ACVR1C: variants seen among roughly 807,000 people sequenced by gnomAD.
ACVR1C encodes activin A receptor type 1C.
In ACVR1C, 23 loss-of-function variants were observed where a neutral mutation model predicts 57.9. That is an observed-to-expected ratio of 0.40 (90% CI 0.29 to 0.56). The LOEUF is 0.56. Among genes scored for constraint, ACVR1C ranks in the 20% least tolerant of loss-of-function variants. ACVR1C has a pLI of 0.50. For synonymous variants in ACVR1C, 214 were observed against 215.3 expected, an observed-to-expected ratio of 0.99 and a Z score of 0.05; for missense variants, 480 against 607.9, an observed-to-expected ratio of 0.79 and a Z score of 2.21.
In ACVR1C at chr2:157,623,647, AC is replaced by A. The variant is rs541606228; in HGVS notation, c.73+4924del. Among the ~76,000 whole-genome samples the A allele has an allele frequency of 1.8e-4, 27 of 152,230 alleles. 1 individual carries two copies. The South Asian group carries it at 4.6e-3, about 26-fold the overall frequency. On this transcript the variant is annotated intron_variant, in intron 1 of 8. Coordinates refer to ENST00000243349, the MANE Select transcript of ACVR1C (RefSeq NM_145259.3). ...GGGGAGGTGGGGATGGTTAATGGGT[AC>A]AAAAATATGGAAAGAATGAATAGGA...
In ACVR1C at chr2:157,534,054, G is replaced by GA. The variant is rs569727616; in HGVS notation, c.1357-12dup. On this transcript the variant is annotated splice_polypyrimidine_tract_variant and intron_variant, in intron 8 of 8. Transcript: ENST00000243349. ...CATGACTCGGAGTGCCTTTAAGAGA[G>GA]AAAAAAAAAATCAAAGACTTTAGCT... 4,474 of 1,355,390 alleles carry GA rather than the reference G, an allele frequency of 3.3e-3. 2 individuals carry two copies. Among genetic ancestry groups the GA allele is most frequent in the South Asian group, 0.013 (783 of 60,900 alleles). 84.0% of individuals were successfully genotyped at this position (1,355,390 alleles called of 1,614,324 possible).
intron 7 of ACVR1C, among the ~76,000 whole-genome samples, chr2:157,539,956 T>C (rs1687582655): frequency 6.6e-6 from 1 of 152,144 alleles, no homozygotes; most frequent in Admixed American, 6.6e-5. Context: ...GTCTGCAAGG[T>C]TTTTTAAAAA....
chr2:157,540,048 G>A (rs1687586073), intron 7 of ACVR1C, among the ~76,000 whole-genome samples: 1 of 152,242 alleles, frequency 6.6e-6, no homozygotes. Flanking sequence ...GTCTTTAATC[G>A]AATGTTTACT....
intron 2 of ACVR1C, among the ~76,000 whole-genome samples, chr2:157,566,509 G>A (rs568423671): frequency 5.3e-5 from 8 of 152,318 alleles, no homozygotes; most frequent in South Asian, 2.1e-4. Flanking sequence ...TGTGCCCACC[G>A]TGCGCGAGCC....
intron 1 of ACVR1C, chr2:157,597,409 G>A: frequency 2.0e-6 from 2 of 985,486 alleles, no homozygotes. Context: ...CAGCGGCCAG[G>A]AGCTTCCGCC....
chr2:157,578,927 G>A (rs1688722798), intron 2 of ACVR1C, among the ~76,000 whole-genome samples: 1 of 152,056 alleles, frequency 6.6e-6, no homozygotes, highest in Non-Finnish European at 1.5e-5. Context: ...TGAATTTAAT[G>A]TTAAATTGAG....
chr2:157,606,882 T>C (rs1025443115), intron 1 of ACVR1C, among the ~76,000 whole-genome samples: 12 of 151,898 alleles, frequency 7.9e-5, no homozygotes, highest in African/African-American at 2.9e-4. Context: ...ATAAAATCTT[T>C]GCCAAGACCA....
chr2:157,607,929 A>G (rs138605349), intron 1 of ACVR1C, among the ~76,000 whole-genome samples: 62 of 151,812 alleles, frequency 4.1e-4, no homozygotes, highest in African/African-American at 1.4e-3. Flanking sequence ...CTCATTTCCA[A>G]TTTGAATGCC....
At chr2:157,534,325 T>C (rs1687429552) in intron 8 of ACVR1C, among the ~76,000 whole-genome samples, 1 of 152,134 alleles carries the variant, frequency 6.6e-6, no homozygotes, top group South Asian at 2.1e-4. Flanking sequence ...TGATGCTAAC[T>C]AAGTTTTGAT....
At chr2:157,608,241 A>G (rs556004616) in intron 1 of ACVR1C, among the ~76,000 whole-genome samples, 1 of 152,108 alleles carries the variant, frequency 6.6e-6, no homozygotes, top group South Asian at 2.1e-4. Context: ...TGTTGAAATA[A>G]TCATATGATC....
chr2:157,578,354 C>T (rs967823470), intron 2 of ACVR1C, among the ~76,000 whole-genome samples: 1 of 152,132 alleles, frequency 6.6e-6, no homozygotes. Flanking sequence ...TTCTTTTACC[C>T]TTCTCCTAGA....
At chr2:157,619,118 G>GAGTAT (rs1370521822) in intron 1 of ACVR1C, among the ~76,000 whole-genome samples, 4 of 151,772 alleles carry the variant, frequency 2.6e-5, no homozygotes, top group African/African-American at 9.6e-5. Flanking sequence ...AGTACATATG[G>GAGTAT]AGTATTCACG....
chr2:157,543,021 G>A (rs928534492), intron 5 of ACVR1C, among the ~76,000 whole-genome samples, 159 bp from the exon 6 acceptor site: 1 of 152,084 alleles, frequency 6.6e-6, no homozygotes, highest in African/African-American at 2.4e-5. Flanking sequence ...TGTACATGCT[G>A]AATCATCTGT....
intron 2 of ACVR1C, among the ~76,000 whole-genome samples, chr2:157,564,603 G>A (rs1688316116): frequency 6.6e-6 from 1 of 152,130 alleles, no homozygotes; most frequent in Non-Finnish European, 1.5e-5. Context: ...TCCCATTACT[G>A]GGTATATACC....
In ACVR1C at chr2:157,625,039, A is replaced by T. The variant is rs1373515099; in HGVS notation, c.73+3533T>A. On this transcript the variant is annotated intron_variant, in intron 1 of 8. Coordinates refer to ENST00000243349, the MANE Select transcript of ACVR1C (RefSeq NM_145259.3). ...CTATTTAATGCGTCTTTGAAAAGTT[A>T]TCAGTAAATGCCCTTGGCTCTCAAT... 2.6e-5 allele frequency among the ~76,000 whole-genome samples: 4 copies of T among 152,234 alleles called. No individual in the cohort carries two copies. The East Asian group carries it at 5.8e-4, about 22-fold the overall frequency.
At chr2:157,603,853 T>C (rs1682332447) in intron 1 of ACVR1C, among the ~76,000 whole-genome samples, 1 of 152,086 alleles carries the variant, frequency 6.6e-6, no homozygotes, top group African/African-American at 2.4e-5. Flanking sequence ...ATGGGTAAAT[T>C]TTAATTATTT....
intron 8 of ACVR1C, 52 bp downstream of exon 8, chr2:157,538,521 T>C (rs1348153519): frequency 3.4e-6 from 5 of 1,450,994 alleles, no homozygotes; most frequent in Admixed American, 4.9e-5. Context: ...GTCTCCCCGA[T>C]ACTCACCTCA....
rs1306305228 is a variant in ACVR1C, at chr2:157,542,722, T to C, written c.1084A>G (p.Lys362Glu). Residue 362 changes from lysine (K) to glutamate (E), a missense_variant, in exon 6 of 9, where the codon AAA (lysine) becomes GAA (glutamate). Lys to Glu is a moderately conservative substitution (Grantham distance 56). Coordinates refer to ENST00000243349, the MANE Select transcript of ACVR1C (RefSeq NM_145259.3). Reference protein sequence around the residue: ...LNTIDIPQNPKVGTKRYMAPE... With the variant: ...LNTIDIPQNPEVGTKRYMAPE... ...TCGTCTTACCTCTTGGTTCCCACTT[T>C]AGGATTCTGAGGTATGTCGATAGTG... The C allele has an allele frequency of 1.2e-6, 2 of 1,613,090 alleles. No individual in the cohort carries two copies. Among genetic ancestry groups the C allele is most frequent in the East Asian group, 2.2e-5 (1 of 44,782 alleles).
At chr2:157,554,286 AG>A (rs1688028532) in intron 3 of ACVR1C, among the ~76,000 whole-genome samples, 1 of 135,614 alleles carries the variant, frequency 7.4e-6, no homozygotes, top group African/African-American at 3.3e-5. Flanking sequence ...GAAGGAAGAG[AG>A]AGAGAGAGAG....
Sources: gnomAD v4.1 joint callset for allele counts (sites outside exome capture counted in the v4.1 genomes callset) on GRCh38, gnomAD v4.1.1 for gene constraint, MANE v1.5 for transcripts, NCBI Gene and HGNC (gene_info 2026-07-23, HGNC 2026-07-21) for gene names.